Variants in CTNNA3 observed in about 807,000 individuals in gnomAD.
The protein encoded by CTNNA3 is catenin alpha 3.
A neutral mutation model predicts 95.7 loss-of-function variants in CTNNA3; 76 were observed. That is an observed-to-expected ratio of 0.79 (90% CI 0.66 to 0.96). CTNNA3 has a LOEUF of 0.96. Ranked by LOEUF, CTNNA3 falls within the 40% of genes least tolerant of loss-of-function variation. CTNNA3 has a pLI of 0.00. For missense variants in CTNNA3, 1,191 were observed against 1,089.8 expected (o/e 1.09, Z -1.31); for synonymous variants, 431 against 374.4 (o/e 1.15, Z -1.74).
intron 1 of CTNNA3, among the ~76,000 whole-genome samples, chr10:67,761,255 G>A (rs1841460244): frequency 6.6e-6 from 1 of 152,196 alleles, no homozygotes; most frequent in African/African-American, 2.4e-5. Flanking sequence ...GCACATGACT[G>A]TAATTAGCTA....
chr10:67,401,633 G>A (rs1359375054), intron 5 of CTNNA3, among the ~76,000 whole-genome samples: 3 of 152,078 alleles, frequency 2.0e-5, no homozygotes, highest in Non-Finnish European at 2.9e-5. Flanking sequence ...CAACAAAATC[G>A]AAGGTACAGT....
chr10:67,719,248 C>T (rs1301753397), intron 1 of CTNNA3, among the ~76,000 whole-genome samples: 1 of 151,714 alleles, frequency 6.6e-6, no homozygotes, highest in East Asian at 1.9e-4. Context: ...TAAAAAAAAA[C>T]AGTTCCTGGA....
intron 1 of CTNNA3, among the ~76,000 whole-genome samples, chr10:67,702,337 C>T (rs1003659237): frequency 6.6e-6 from 1 of 152,106 alleles, no homozygotes; most frequent in Admixed American, 6.5e-5. Context: ...TTTTCAGCAC[C>T]ACACCACACC....
chr10:66,449,582 C>A (rs1347466916), intron 11 of CTNNA3, among the ~76,000 whole-genome samples: 2 of 151,940 alleles, frequency 1.3e-5, no homozygotes, highest in Non-Finnish European at 2.9e-5. Context: ...CTTTGGAAAG[C>A]TTTTTCAATT....
intron 11 of CTNNA3, among the ~76,000 whole-genome samples, chr10:66,485,172 A>C (rs1839682497): frequency 6.6e-6 from 1 of 152,132 alleles, no homozygotes; most frequent in Admixed American, 6.5e-5. Flanking sequence ...GATCAGGAAT[A>C]AGAAAAGTGT....
chr10:66,890,157 C>T (rs556641088), intron 7 of CTNNA3, among the ~76,000 whole-genome samples: 2 of 152,190 alleles, frequency 1.3e-5, no homozygotes, highest in African/African-American at 4.8e-5. Flanking sequence ...AGGTTTGAAA[C>T]AACCTTTAGA....
At chr10:66,584,167 G>C (rs1288517492) in intron 10 of CTNNA3, among the ~76,000 whole-genome samples, 1 of 151,874 alleles carries the variant, frequency 6.6e-6, no homozygotes, top group African/African-American at 2.4e-5. Context: ...TTCTTGGGTA[G>C]AATGTTCTGT....
intron 7 of CTNNA3, among the ~76,000 whole-genome samples, chr10:67,008,108 G>A (rs560876811): frequency 1.3e-5 from 2 of 151,278 alleles, no homozygotes; most frequent in Non-Finnish European, 2.9e-5. Flanking sequence ...TCTTTATCCT[G>A]CAGTAGAGAT....
intron 5 of CTNNA3, among the ~76,000 whole-genome samples, chr10:67,266,338 C>T (rs1201057589): frequency 1.3e-5 from 2 of 151,980 alleles, no homozygotes; most frequent in Non-Finnish European, 2.9e-5. Flanking sequence ...GGCTATCCTC[C>T]CCTGTCCCCT....
intron 5 of CTNNA3, among the ~76,000 whole-genome samples, chr10:67,468,829 A>G (rs890294807): frequency 6.6e-6 from 1 of 152,192 alleles, no homozygotes; most frequent in African/African-American, 2.4e-5. Flanking sequence ...CAGGTGACTG[A>G]GCAAAAAATT....
At chr10:67,404,804 A>T (rs190336768) in intron 5 of CTNNA3, among the ~76,000 whole-genome samples, 1 of 152,182 alleles carries the variant, frequency 6.6e-6, no homozygotes, top group Admixed American at 6.5e-5. Context: ...GTCAAAGGCC[A>T]CTGGAAAGAA....
At chr10:67,689,997 G>A (rs1338563851) in intron 1 of CTNNA3, among the ~76,000 whole-genome samples, 1 of 152,168 alleles carries the variant, frequency 6.6e-6, no homozygotes, top group Admixed American at 6.5e-5. Context: ...GCTTCTGGTG[G>A]GTTCTTGGTC....
chr10:67,690,377 AGGG>A (rs1218794246), intron 1 of CTNNA3, among the ~76,000 whole-genome samples: 3 of 152,158 alleles, frequency 2.0e-5, no homozygotes, highest in Admixed American at 2.0e-4. Context: ...ACAGTGTGGA[AGGG>A]GACCCGAGCA....
At chr10:67,056,398 G>A (rs377580245) in intron 7 of CTNNA3, among the ~76,000 whole-genome samples, 6 of 152,180 alleles carry the variant, frequency 3.9e-5, no homozygotes, top group Admixed American at 6.5e-5. Context: ...AGGAATGCTC[G>A]TACTACCCAT....
At chr10:65,931,353 A>G (rs12767826) in intron 17 of CTNNA3, among the ~76,000 whole-genome samples, 1 of 152,088 alleles carries the variant, frequency 6.6e-6, no homozygotes. Flanking sequence ...AACTACAAAC[A>G]TTACAATATG....
Position 66,409,596 on chromosome 10 carries a change from C to T in CTNNA3, c.1532-30244G>A, listed in dbSNP as rs149446985. 8.0e-4 allele frequency among the ~76,000 whole-genome samples: 121 copies of T among 152,154 alleles called. 1 individual carries two copies. The highest frequency in any genetic ancestry group is 2.8e-3 in the African/African-American group (115 of 41,516). On this transcript the variant is annotated intron_variant, in intron 11 of 17. Transcript: ENST00000433211. ...TTTGTGGAATTTTAAATTGGAAATGCTTTGGGAAATCCAGAACTCAACGGA... is the reference window on the plus strand; with the variant it reads ...TTTGTGGAATTTTAAATTGGAAATGTTTTGGGAAATCCAGAACTCAACGGA...
intron 16 of CTNNA3, among the ~76,000 whole-genome samples, chr10:65,981,633 C>T (rs1271169220): frequency 6.6e-6 from 1 of 151,968 alleles, no homozygotes. Context: ...CAGCATAGTA[C>T]TGGTATAAAA....
At chr10:67,727,635 A>AT (rs1158891799) in intron 1 of CTNNA3, among the ~76,000 whole-genome samples, 39 of 128,564 alleles carry the variant, frequency 3.0e-4, no homozygotes, top group Non-Finnish European at 5.3e-4. Flanking sequence ...TCTATTATAT[A>AT]TTATATATTA....
At chr10:67,462,594 A>G (rs1425385949) in intron 5 of CTNNA3, among the ~76,000 whole-genome samples, 4 of 152,188 alleles carry the variant, frequency 2.6e-5, no homozygotes, top group Non-Finnish European at 5.9e-5. Flanking sequence ...CTCAGCTTGA[A>G]TCTGGCTCTG....
Sources: allele counts gnomAD v4.1 joint callset (sites outside exome capture counted in the v4.1 genomes callset), GRCh38; gene constraint gnomAD v4.1.1; transcripts MANE v1.5; gene names NCBI Gene and HGNC (gene_info 2026-07-23, HGNC 2026-07-21).